ZNF248: variants seen among roughly 807,000 people sequenced by gnomAD.
ZNF248 encodes the protein zinc finger protein 248.
In ZNF248, 20 loss-of-function variants were observed where a neutral mutation model predicts 44.3. The ratio of observed to expected loss-of-function variants is 0.45; its 90% CI spans 0.32 to 0.66. ZNF248 has a LOEUF of 0.66. ZNF248 is among the 30% of genes least tolerant of loss of function. ZNF248 has a pLI of 0.04. For missense variants in ZNF248, 654 were observed against 677.0 expected (o/e 0.97, Z 0.38); for synonymous variants, 224 against 229.0 (o/e 0.98, Z 0.20).
intron 6 of ZNF248, among the ~76,000 whole-genome samples, chr10:37,790,708 C>CTAAATAAATAAATAAATAAA (rs149151524): frequency 0.016 from 2,352 of 147,656 alleles, 32 homozygotes; most frequent in Non-Finnish European, 0.023. Context: ...GGCTCCGTCT[C>CTAAATAAATAAATAAATAAA]TAAATAAATA....
Position 37,821,760 on chromosome 10 carries a change from C to T in ZNF248, c.330+11265G>A, listed in dbSNP as rs1159482670. On this transcript the variant is annotated intron_variant, in intron 6 of 6. Transcript: ENST00000615949. Reference sequence around the variant, plus strand: ...CCTACATCCAGGACAGGCTTGAAAACACAAGACGCTAATGGATTCCAATGA... The same window carrying T: ...CCTACATCCAGGACAGGCTTGAAAATACAAGACGCTAATGGATTCCAATGA... Among the ~76,000 whole-genome samples the T allele has an allele frequency of 3.3e-5, 5 of 152,208 alleles. No individual in the cohort carries two copies. In the East Asian group the frequency reaches 9.6e-4, roughly 29 times the overall value.
chr10:37,797,175 T>C (rs537415335), intron 6 of ZNF248, among the ~76,000 whole-genome samples: 58 of 152,264 alleles, frequency 3.8e-4, no homozygotes, highest in Non-Finnish European at 6.8e-4. Context: ...TGAAAGCAAT[T>C]GAAGTTAAAC....
chr10:37,846,667 C>T (rs747757867), intron 3 of ZNF248, among the ~76,000 whole-genome samples: 2 of 152,172 alleles, frequency 1.3e-5, no homozygotes, highest in East Asian at 1.9e-4. Flanking sequence ...CAACAACAAA[C>T]CGAGAGGACA....
At position 37,856,296 on chromosome 10, in the gene ZNF248, C is replaced by T; in HGVS notation, c.15G>A (p.Gln5=). Residue 5 remains glutamine, a splice_region_variant and synonymous_variant, in exon 3 of 6, where the codon CAG becomes CAA. Transcript: ENST00000395867. The part of the protein sequence containing the change: MNKS[Q]EQVSFKDVCV... ...GGGAATAAAGAAACAAGAATCTCACCTGGGATTTGTTCATTTTCCGCTCTT... is the reference window on the plus strand; with the variant it reads ...GGGAATAAAGAAACAAGAATCTCACTTGGGATTTGTTCATTTTCCGCTCTT... 1 of 1,613,330 alleles carries T rather than the reference C, an allele frequency of 6.2e-7. No homozygotes were observed.
chr10:37,827,637 C>T (rs76664229), downstream of ZNF248, among the ~76,000 whole-genome samples: 12 of 151,974 alleles, frequency 7.9e-5, no homozygotes, highest in Middle Eastern at 3.4e-3. Flanking sequence ...AGTCACTGGA[C>T]GAGAGATGAA....
At chr10:37,833,412 G>C (rs2056391506) in intron 5 of ZNF248, among the ~76,000 whole-genome samples, 4 of 152,208 alleles carry the variant, frequency 2.6e-5, no homozygotes, top group Admixed American at 2.6e-4. Flanking sequence ...CAGGGAACCA[G>C]AGTGGCTGAT....
At chr10:37,816,921 A>T (rs1422352957) in intron 6 of ZNF248, among the ~76,000 whole-genome samples, 1 of 151,892 alleles carries the variant, frequency 6.6e-6, no homozygotes, top group African/African-American at 2.4e-5. Context: ...CCTCCACACT[A>T]CTAAGTCAAA....
At position 37,830,541 on chromosome 10, in the gene ZNF248, G is replaced by A. The variant is rs896696254; in HGVS notation, c.*1074C>T. 16 of 985,430 alleles carry A rather than the reference G, an allele frequency of 1.6e-5. No homozygotes were observed. Among genetic ancestry groups the A allele is most frequent in the Middle Eastern group, 5.2e-4 (1 of 1,914 alleles). The allele number at this position is 985,430 out of a possible 1,614,324, so 61.0% of individuals were successfully genotyped here. On this transcript the variant is annotated 3_prime_UTR_variant, in exon 6 of 6. Coordinates refer to ENST00000395867, the MANE Select transcript of ZNF248 (RefSeq NM_021045.3). Reference sequence around the variant, plus strand: ...CGTGGTTCAGCTGTAAATGGCCATAGCCATTTATTTATGTCAGGAAATAGA... The same window carrying A: ...CGTGGTTCAGCTGTAAATGGCCATAACCATTTATTTATGTCAGGAAATAGA...
At chr10:37,783,465 G>A (rs1290101955) in intron 6 of ZNF248, among the ~76,000 whole-genome samples, 2 of 152,124 alleles carry the variant, frequency 1.3e-5, no homozygotes, top group Non-Finnish European at 2.9e-5. Flanking sequence ...TGGCAGTGTG[G>A]TCTTATATAG....
At chr10:37,815,545 T>A (rs748997571) in intron 6 of ZNF248, among the ~76,000 whole-genome samples, 2 of 152,118 alleles carry the variant, frequency 1.3e-5, no homozygotes, top group Non-Finnish European at 2.9e-5. Context: ...TTCTTGACTT[T>A]GTCCACATTA....
rs1322576943 is a variant in ZNF248, at chr10:37,831,253, G to C, written c.*362C>G. On this transcript the variant is annotated 3_prime_UTR_variant, in exon 6 of 6. Coordinates refer to ENST00000395867, the MANE Select transcript of ZNF248 (RefSeq NM_021045.3). Reference sequence around the variant, plus strand: ...TCACATAAGGTCTACAAACATCGGGGACTCTTCACATATATGTTTAATGCT... The same window carrying C: ...TCACATAAGGTCTACAAACATCGGGCACTCTTCACATATATGTTTAATGCT... 6.5e-7 allele frequency: 1 copy of C among 1,549,164 alleles called. No individual in the cohort carries two copies. The highest frequency in any genetic ancestry group is 1.4e-5 in the African/African-American group (1 of 72,926).
At chr10:37,817,767 T>C (rs1310044221) in intron 6 of ZNF248, among the ~76,000 whole-genome samples, 1 of 152,088 alleles carries the variant, frequency 6.6e-6, no homozygotes, top group Non-Finnish European at 1.5e-5. Flanking sequence ...GCAACAGCAT[T>C]TTTTCCCCCC....
the ZNF248 span, among the ~76,000 whole-genome samples, chr10:37,761,195 G>A: frequency 6.6e-6 from 1 of 152,262 alleles, no homozygotes; most frequent in African/African-American, 2.4e-5. Flanking sequence ...ACTCTTATTG[G>A]CCCATCTTGG....
At chr10:37,813,083 T>C (rs1334266833) in intron 6 of ZNF248, among the ~76,000 whole-genome samples, 1 of 150,474 alleles carries the variant, frequency 6.6e-6, no homozygotes, top group Non-Finnish European at 1.5e-5. Flanking sequence ...ACATGGATCT[T>C]GGAGAAATTC....
downstream of ZNF248, among the ~76,000 whole-genome samples, chr10:37,772,708 C>T (rs1202469999): frequency 1.3e-5 from 2 of 152,180 alleles, no homozygotes; most frequent in South Asian, 2.1e-4. Context: ...CCTTTAGTCA[C>T]GTATTTGCTC....
intron 5 of ZNF248, among the ~76,000 whole-genome samples, chr10:37,834,289 G>T (rs2056619880): frequency 6.6e-6 from 1 of 152,048 alleles, no homozygotes; most frequent in Admixed American, 6.6e-5. Context: ...CTTGCTCAAT[G>T]CTATCGCCCC....
At chr10:37,776,728 T>G (rs1193600167) in intron 6 of ZNF248, among the ~76,000 whole-genome samples, 1 of 152,118 alleles carries the variant, frequency 6.6e-6, no homozygotes, top group Non-Finnish European at 1.5e-5. Flanking sequence ...ACCCAAGGAC[T>G]TCAAGATGCT....
intron 6 of ZNF248, among the ~76,000 whole-genome samples, chr10:37,777,714 T>G (rs911987015): frequency 8.1e-6 from 1 of 122,858 alleles, no homozygotes; most frequent in Non-Finnish European, 1.6e-5. Context: ...GTCCCCAGAG[T>G]GTGATATTCC....
At position 37,805,087 on chromosome 10, in the gene ZNF248, T is replaced by G. The variant is rs149020871; in HGVS notation, c.330+27938A>C. Among the ~76,000 whole-genome samples, 416 of 152,218 alleles carry G rather than the reference T, an allele frequency of 2.7e-3. 4 individuals are homozygous for G. The highest frequency in any genetic ancestry group is 9.4e-3 in the African/African-American group (392 of 41,534). On this transcript the variant is annotated intron_variant, in intron 6 of 6. Transcript: ENST00000615949. ...AAAAAACTAGACAAATAATAACAGT[T>G]GTATTTTTTGTATTTTCAAAGATGT... is the stretch of plus-strand genomic sequence containing the variant.
Sources: gnomAD v4.1 joint callset for allele counts (sites outside exome capture counted in the v4.1 genomes callset) on GRCh38, gnomAD v4.1.1 for gene constraint, MANE v1.5 for transcripts, NCBI Gene and HGNC (gene_info 2026-07-23, HGNC 2026-07-21) for gene names.